The following NSD2 variants were observed in gnomAD, a reference collection of about 807,000 sequenced individuals.
The protein encoded by NSD2 is histone-lysine N-methyltransferase NSD2.
A neutral mutation model predicts 139.0 loss-of-function variants in NSD2; 12 were observed. The observed-to-expected ratio is 0.09, with a 90% CI of 0.06 to 0.14. NSD2 has a LOEUF of 0.14. NSD2 is among the 10% of genes least tolerant of loss of function. The pLI is 1.00. For synonymous variants in NSD2, 669 were observed against 648.7 expected (o/e 1.03, Z -0.48); for missense variants, 1,155 against 1,745.0 (o/e 0.66, Z 6.02).
intron 1 of NSD2, among the ~76,000 whole-genome samples, chr4:1,880,718 A>T (rs180908892): frequency 6.6e-6 from 1 of 152,220 alleles, no homozygotes; most frequent in Non-Finnish European, 1.5e-5. Flanking sequence ...GCCATTGGCA[A>T]CACTGAGAAA....
intron 19 of NSD2, 135 bp from the exon 20 acceptor site, chr4:1,975,159 A>G: frequency 7.0e-7 from 1 of 1,420,840 alleles, no homozygotes; most frequent in Middle Eastern, 1.9e-4. Flanking sequence ...ACCAAGCAAA[A>G]TTGAAAGGCC....
At chr4:1,879,795 G>A (rs549059803) in intron 1 of NSD2, among the ~76,000 whole-genome samples, 22 of 151,778 alleles carry the variant, frequency 1.4e-4, no homozygotes, top group African/African-American at 5.3e-4. Context: ...TACCAGAACC[G>A]GGTGTTGCAG....
At chr4:1,907,142 T>C (rs1484522242) in intron 3 of NSD2, among the ~76,000 whole-genome samples, 3 of 152,172 alleles carry the variant, frequency 2.0e-5, no homozygotes, top group African/African-American at 7.2e-5. Flanking sequence ...AGCTTCAGTT[T>C]CCCTGTATAT....
At chr4:1,891,986 A>G (rs1016733930) in intron 1 of NSD2, among the ~76,000 whole-genome samples, 15 of 151,802 alleles carry the variant, frequency 9.9e-5, no homozygotes, top group African/African-American at 2.4e-5. Flanking sequence ...ATTGCCCTCT[A>G]TGCTTTCTCT....
intron 9 of NSD2, chr4:1,943,461 G>T (rs2108910530): frequency 9.6e-7 from 1 of 1,045,028 alleles, no homozygotes; most frequent in Middle Eastern, 4.4e-4. Context: ...TTATCCAAAA[G>T]TATAAATTTT....
At chr4:1,917,778 CTT>C (rs34000332) in intron 4 of NSD2, among the ~76,000 whole-genome samples, 159 of 122,594 alleles carry the variant, frequency 1.3e-3, no homozygotes, top group African/African-American at 1.8e-3. Flanking sequence ...TAAAAGTATT[CTT>C]TTTTTTTTTT....
rs757494380 is a variant in NSD2, at chr4:1,955,337, A to G, written c.2515A>G (p.Lys839Glu). 2 of 1,611,410 alleles carry G rather than the reference A, an allele frequency of 1.2e-6. No homozygotes were observed. The highest frequency in any genetic ancestry group is 2.2e-5 in the South Asian group (2 of 91,000). The change falls in exon 13 of 22, where the codon AAA becomes GAA. Residue 839 changes from lysine to glutamate, a missense_variant. By Grantham distance (56) the Lys-to-Glu change is moderately conservative. This residue lies in a region of NSD2 where 120 missense variants were observed against 239.3 expected (regional missense o/e 0.50). Transcript: ENST00000508803. The surrounding 1 kb of genome is among the most constrained non-coding windows in gnomAD (Gnocchi z 4.7). ...VNVSWCFVCS[K>E]GGSLLCCESC... ...CGTGAGCTGGTGCTTCGTGTGCTCC[A>G]AAGGTGAGGGGCCTGGGGGTGTCTG...
chr4:1,947,149 C>T (rs996372839), intron 9 of NSD2: 16 of 1,064,690 alleles, frequency 1.5e-5, no homozygotes, highest in African/African-American at 1.6e-5. Flanking sequence ...TGTCTGCAGT[C>T]GGCCAGACCA....
chr4:1,903,606 G>A (rs2108754643), intron 2 of NSD2, among the ~76,000 whole-genome samples: 1 of 152,182 alleles, frequency 6.6e-6, no homozygotes, highest in South Asian at 2.1e-4. Context: ...GTTGAATAAA[G>A]TACCATTAAA....
chr4:1,871,950 C>T (rs1293167035), intron 1 of NSD2, among the ~76,000 whole-genome samples: 1 of 148,526 alleles, frequency 6.7e-6, no homozygotes, highest in African/African-American at 2.4e-5. Flanking sequence ...CCGAGGCGGC[C>T]GCCTTTGTTC....
At chr4:1,912,736 G>T (rs1718846729) in intron 3 of NSD2, among the ~76,000 whole-genome samples, 1 of 151,952 alleles carries the variant, frequency 6.6e-6, no homozygotes, top group Admixed American at 6.6e-5. Flanking sequence ...TTGTAAAAAA[G>T]TTGTTTTCTC....
At chr4:1,940,424 C>T in intron 9 of NSD2, 1 of 1,063,534 alleles carries the variant, frequency 9.4e-7, no homozygotes, top group Non-Finnish European at 1.1e-6. Flanking sequence ...ATCATTGTAA[C>T]ATGACACTTA....
rs746279426 is a variant in NSD2 at position 1,938,416 on chromosome 4, C to CTTTTTTTTTTTTTTTTTTTTTTTTTT, written c.1675-10_1675-9insTTTTTTTTTTTTTTTTTTTTTTTTTT. 1.0e-4 allele frequency: 33 copies of CTTTTTTTTTTTTTTTTTTTTTTTTTT among 325,834 alleles called. 1 individual carries two copies. Among genetic ancestry groups the CTTTTTTTTTTTTTTTTTTTTTTTTTT allele is most frequent in the Middle Eastern group, 9.6e-4 (1 of 1,038 alleles). The allele number at this position is 325,834 out of a possible 1,614,324, so 20.2% of individuals were successfully genotyped here. ...TTTTTCTTTTCTTTTTTTTTTCTTT[C>CTTTTTTTTTTTTTTTTTTTTTTTTTT]TTTTTTTTTTTTTTTTTTTTTTTTT... On this transcript the variant is annotated intron_variant, in intron 7 of 21. Coordinates refer to ENST00000508803, the MANE Select transcript of NSD2 (RefSeq NM_001042424.3).
rs2109024568 is a variant in NSD2 at position 1,976,298 on chromosome 4, G to A, written c.3622-177G>A. The A allele has an allele frequency of 4.5e-6, 3 of 668,030 alleles. No homozygotes were observed. The East Asian group carries it at 8.3e-5, about 18-fold the overall frequency. The allele number at this position is 668,030 out of a possible 1,614,324, so 41.4% of individuals were successfully genotyped here. ...TCTTTGTTCAGCTTTTTCACGCTGA[G>A]TCGAGTGAGTCTAAGGATGTCTGGG... On this transcript the variant is annotated intron_variant, in intron 20 of 21. Transcript: ENST00000508803. This position sits in a 1 kb window ranked among gnomAD's most constrained non-coding sequence, Gnocchi z 5.3.
At chr4:1,961,431 T>C (rs1477564270) in intron 18 of NSD2, among the ~76,000 whole-genome samples, 1 of 152,172 alleles carries the variant, frequency 6.6e-6, no homozygotes, top group East Asian at 1.9e-4. Flanking sequence ...GGCAGGGAAG[T>C]AGAGAGGACA....
At chr4:1,908,417 C>G (rs1282689085) in intron 3 of NSD2, among the ~76,000 whole-genome samples, 2 of 152,192 alleles carry the variant, frequency 1.3e-5, no homozygotes, top group African/African-American at 4.8e-5. Flanking sequence ...CACAAGCAAA[C>G]CTACTTCAGA....
chr4:1,899,324 A>G (rs567156338), intron 1 of NSD2: 5 of 152,344 alleles, frequency 3.3e-5, no homozygotes, highest in African/African-American at 9.6e-5. Flanking sequence ...CTCGGGCCGC[A>G]TAGCCCTGTT....
intron 3 of NSD2, among the ~76,000 whole-genome samples, chr4:1,904,801 A>G (rs192388115): frequency 4.1e-4 from 62 of 152,324 alleles, no homozygotes; most frequent in African/African-American, 1.4e-3. Flanking sequence ...TTGGGTAGAT[A>G]AATTGATTTT....
intron 1 of NSD2, among the ~76,000 whole-genome samples, chr4:1,885,224 A>AT (rs1398062397): frequency 2.6e-5 from 4 of 152,246 alleles, no homozygotes; most frequent in African/African-American, 9.6e-5. Context: ...ATGCATGTCT[A>AT]TTTTTTATAT....
Sources: gnomAD v4.1 joint callset for allele counts (sites outside exome capture counted in the v4.1 genomes callset) on GRCh38, gnomAD v4.1.1 for gene constraint, gnomAD v4.1.1 regional missense constraint, Gnocchi (gnomAD v3.1) non-coding constraint, MANE v1.5 for transcripts, NCBI Gene and HGNC (gene_info 2026-07-23, HGNC 2026-07-21) for gene names.